The following KCNH1 variants were observed in gnomAD, a reference collection of about 807,000 sequenced individuals.
KCNH1 encodes the protein voltage-gated delayed rectifier potassium channel KCNH1.
A neutral mutation model predicts 69.2 loss-of-function variants in KCNH1; 27 were observed. The ratio of observed to expected loss-of-function variants is 0.39; its 90% CI spans 0.29 to 0.54. The LOEUF (loss-of-function observed/expected upper bound fraction) is 0.54. Ranked by LOEUF, KCNH1 falls within the 20% of genes least tolerant of loss-of-function variation. KCNH1 has a pLI of 0.68. For synonymous variants in KCNH1, 456 were observed against 487.7 expected (o/e 0.93, Z 0.86); for missense variants, 798 against 1,261.6 (o/e 0.63, Z 5.57).
chr1:211,065,548 G>C lies in KCNH1; in HGVS notation c.558+17232C>G, dbSNP rs1690514169. ...TTTCATTTAGATAGGAAGAATAAGT[G>C]CAAGAGATCTATTGTATAACATGAT... On this transcript the variant is annotated intron_variant, in intron 5 of 10. Coordinates refer to ENST00000271751, the MANE Select transcript of KCNH1 (RefSeq NM_172362.3). 2.0e-5 allele frequency among the ~76,000 whole-genome samples: 3 copies of C among 152,066 alleles called. No individual in the cohort carries two copies. In the South Asian group the frequency reaches 6.2e-4, roughly 32 times the overall value.
intron 7 of KCNH1, among the ~76,000 whole-genome samples, chr1:210,854,089 A>G (rs1345804979): frequency 6.6e-6 from 1 of 152,134 alleles, no homozygotes; most frequent in Non-Finnish European, 1.5e-5. Context: ...TAATATTTAT[A>G]ATGCTATGTT....
intron 5 of KCNH1, among the ~76,000 whole-genome samples, chr1:211,019,474 GTGT>G (rs1307371651): frequency 2.6e-5 from 4 of 152,318 alleles, no homozygotes; most frequent in Non-Finnish European, 4.4e-5. Flanking sequence ...TGTGAGCCAA[GTGT>G]TGTACTAAGC....
intron 10 of KCNH1, among the ~76,000 whole-genome samples, chr1:210,701,381 A>C (rs1681773750): frequency 6.6e-6 from 1 of 152,084 alleles, no homozygotes; most frequent in Non-Finnish European, 1.5e-5. Context: ...CTTGGTTTGT[A>C]CTTTTTGTGT....
chr1:210,929,704 G>C (rs543669753), intron 6 of KCNH1, among the ~76,000 whole-genome samples: 1 of 152,140 alleles, frequency 6.6e-6, no homozygotes, highest in Admixed American at 6.5e-5. Flanking sequence ...GAGAAATCAA[G>C]GGCATCCGAA....
intron 5 of KCNH1, among the ~76,000 whole-genome samples, chr1:211,073,646 A>T (rs1249389102): frequency 2.0e-5 from 3 of 152,206 alleles, no homozygotes; most frequent in Non-Finnish European, 4.4e-5. Flanking sequence ...TCTCAAGAGA[A>T]AATAAAATAT....
intron 6 of KCNH1, among the ~76,000 whole-genome samples, chr1:210,999,527 T>G (rs1371178794): frequency 6.6e-6 from 1 of 152,052 alleles, no homozygotes; most frequent in Non-Finnish European, 1.5e-5. Flanking sequence ...AATTAATAGC[T>G]TACCAATCAA....
chr1:210,998,316 G>A (rs1368168878), intron 6 of KCNH1, among the ~76,000 whole-genome samples: 1 of 152,166 alleles, frequency 6.6e-6, no homozygotes, highest in African/African-American at 2.4e-5. Context: ...GATGGAGGAA[G>A]ATCTACCAAG....
intron 10 of KCNH1, among the ~76,000 whole-genome samples, chr1:210,684,491 A>G (rs1681365144): frequency 6.6e-6 from 1 of 152,134 alleles, no homozygotes; most frequent in Non-Finnish European, 1.5e-5. Flanking sequence ...CCTCCCTTAA[A>G]TCCATCCTTG....
chr1:210,736,527 G>C (rs964351392), intron 10 of KCNH1, among the ~76,000 whole-genome samples: 1 of 151,790 alleles, frequency 6.6e-6, no homozygotes, highest in African/African-American at 2.4e-5. Flanking sequence ...TGGGCAACAA[G>C]AGTGAAACTC....
intron 10 of KCNH1, among the ~76,000 whole-genome samples, chr1:210,769,857 G>A (rs1405182154): frequency 1.3e-5 from 2 of 152,200 alleles, no homozygotes; most frequent in Non-Finnish European, 2.9e-5. Context: ...GCAACAAAGT[G>A]TGAATTCAGA....
chr1:211,060,195 AAACAT>A (rs1690405689), intron 5 of KCNH1, among the ~76,000 whole-genome samples: 1 of 152,026 alleles, frequency 6.6e-6, no homozygotes. Context: ...ATGAAAATGG[AAACAT>A]AACATACCAA....
chr1:211,083,487 A>T (rs1488416260), intron 4 of KCNH1, among the ~76,000 whole-genome samples: 2 of 152,206 alleles, frequency 1.3e-5, no homozygotes, highest in African/African-American at 4.8e-5. Context: ...TGGGAGAAAG[A>T]TGGTTGGTGA....
rs751940352 is a variant in KCNH1, at chr1:211,103,570, G to A, written c.236C>T (p.Thr79Met). The A allele has an allele frequency of 3.8e-5, 61 of 1,612,756 alleles. No homozygotes were observed. Among genetic ancestry groups the A allele is most frequent in the East Asian group, 8.9e-5 (4 of 44,860 alleles). Residue 79 changes from threonine (T) to methionine (M), a missense_variant, in exon 3 of 11, where the codon ACG becomes ATG. Thr to Met is a moderately conservative substitution (Grantham distance 81). Transcript: ENST00000271751. ...AAATGTTTGCCGCACTTTTTCAATC[G>A]TGTCTTTATCAGTCAGCTCCCCATA... ...FMYGELTDKD[T>M]IEKVRQTFEN...
chr1:210,949,468 A>C (rs1253914646), intron 6 of KCNH1, among the ~76,000 whole-genome samples: 1 of 152,222 alleles, frequency 6.6e-6, no homozygotes, highest in Non-Finnish European at 1.5e-5. Context: ...TTATTAAGCA[A>C]AGTGAACATA....
At chr1:211,080,578 C>T (rs1445377361) in intron 5 of KCNH1, among the ~76,000 whole-genome samples, 1 of 152,174 alleles carries the variant, frequency 6.6e-6, no homozygotes. Flanking sequence ...TACTACAAGG[C>T]TACAGTAACC....
At chr1:210,785,417 T>G (rs1684078533) in intron 9 of KCNH1, among the ~76,000 whole-genome samples, 1 of 150,120 alleles carries the variant, frequency 6.7e-6, no homozygotes, top group Non-Finnish European at 1.5e-5. Context: ...TTTTTTGAGA[T>G]AGAGTCTAGC....
At chr1:211,112,688 G>A (rs1691497167) in intron 1 of KCNH1, among the ~76,000 whole-genome samples, 1 of 151,912 alleles carries the variant, frequency 6.6e-6, no homozygotes, top group Admixed American at 6.6e-5. Flanking sequence ...AGCAATTATA[G>A]CTCTAGGGAG....
chr1:210,864,774 G>A (rs1476542078), intron 7 of KCNH1, among the ~76,000 whole-genome samples: 1 of 152,190 alleles, frequency 6.6e-6, no homozygotes, highest in Non-Finnish European at 1.5e-5. Flanking sequence ...AGGATGGCTT[G>A]TCTCTCTTTC....
intron 6 of KCNH1, among the ~76,000 whole-genome samples, chr1:210,943,247 A>AT (rs1272810751): frequency 2.0e-4 from 30 of 152,164 alleles, no homozygotes; most frequent in African/African-American, 7.2e-4. Context: ...CCAGCCTACT[A>AT]TTTTCCCCCA....
Sources: allele counts gnomAD v4.1 joint callset (sites outside exome capture counted in the v4.1 genomes callset), GRCh38; gene constraint gnomAD v4.1.1; transcripts MANE v1.5; gene names NCBI Gene and HGNC (gene_info 2026-07-23, HGNC 2026-07-21).